Variants in MYOM1 observed in about 807,000 individuals in gnomAD.
MYOM1 encodes myomesin 1.
A neutral mutation model predicts 205.3 loss-of-function variants in MYOM1; 164 were observed. That is an observed-to-expected ratio of 0.80 (90% CI 0.70 to 0.91). MYOM1 has a LOEUF of 0.91. MYOM1 is among the 40% of genes least tolerant of loss of function. The pLI, the probability that MYOM1 is intolerant of heterozygous loss-of-function variation, is 0.00. For synonymous variants in MYOM1, 772 were observed against 789.4 expected (o/e 0.98, Z 0.37); for missense variants, 2,011 against 2,127.3 (o/e 0.95, Z 1.08).
chr18:3,149,139 T>G lies in MYOM1; in HGVS notation c.1900+6A>C. 1 of 1,613,442 alleles carries G rather than the reference T, an allele frequency of 6.2e-7. No homozygotes were observed. The highest frequency in any genetic ancestry group is 8.5e-7 in the Non-Finnish European group (1 of 1,179,708). ...CAATAGTATCTGGGGCAACCAGACT[T>G]CTTACCTGAAGGTTCCTCTTCAGTA... On this transcript the variant is annotated splice_donor_region_variant and intron_variant, in intron 13 of 37. Transcript: ENST00000356443.
Position 3,187,562 on chromosome 18 carries a change from G to C in MYOM1, c.847C>G (p.Pro283Ala). 1.2e-6 allele frequency: 2 copies of C among 1,613,790 alleles called. No individual in the cohort carries two copies. Among genetic ancestry groups the C allele is most frequent in the Middle Eastern group, 3.3e-4 (2 of 6,062 alleles). The part of the protein sequence containing the change: ...LLHAPEFIIK[P>A]RSHTVWEKEN... Reference sequence around the variant, plus strand: ...TTCTCCCAAACCGTGTGGGAGCGAGGTTTAATGATAAACTCAGGAGCATGG... The same window carrying C: ...TTCTCCCAAACCGTGTGGGAGCGAGCTTTAATGATAAACTCAGGAGCATGG... Residue 283 changes from proline (P) to alanine (A), a missense_variant, in exon 5 of 38, where the codon CCT (proline) becomes GCT (alanine). Pro to Ala is a conservative substitution (Grantham distance 27). Coordinates refer to ENST00000356443, the MANE Select transcript of MYOM1 (RefSeq NM_003803.4).
intron 8 of MYOM1, among the ~76,000 whole-genome samples, chr18:3,169,653 G>A (rs144553721): frequency 1.5e-3 from 223 of 152,204 alleles, no homozygotes; most frequent in African/African-American, 4.9e-3. Context: ...AGGCAATAAC[G>A]CTGACAAAGA....
intron 19 of MYOM1, among the ~76,000 whole-genome samples, chr18:3,120,857 A>G (rs2079680008): frequency 6.6e-6 from 1 of 152,260 alleles, no homozygotes; most frequent in Non-Finnish European, 1.5e-5. Context: ...ACATGACAAA[A>G]TAATAAATGT....
At chr18:3,235,518 G>T in the MYOM1 span, among the ~76,000 whole-genome samples, 1 of 152,214 alleles carries the variant, frequency 6.6e-6, no homozygotes, top group African/African-American at 2.4e-5. Context: ...CACAGTCCCT[G>T]CTTCCCTTGT....
chr18:3,077,585 G>A (rs935810120), intron 34 of MYOM1, among the ~76,000 whole-genome samples: 7 of 152,166 alleles, frequency 4.6e-5, no homozygotes, highest in African/African-American at 1.4e-4. Flanking sequence ...AGGTGGGAAT[G>A]GCCGAGCCAA....
At position 3,209,595 on chromosome 18, in the gene MYOM1, T is replaced by TC. The variant is rs2081167387; in HGVS notation, c.290+5338dup. Reference sequence around the variant, plus strand: ...TCTGACATCCTCTCCACCTGCACTATCCATCACTCCCCCATTCCCTTGCAT... The same window carrying TC: ...TCTGACATCCTCTCCACCTGCACTATCCCATCACTCCCCCATTCCCTTGCAT... On this transcript the variant is annotated intron_variant, in intron 2 of 37. Transcript: ENST00000356443. The surrounding 1 kb of genome is among the most constrained non-coding windows in gnomAD (Gnocchi z 4.0). Among the ~76,000 whole-genome samples, 1 of 152,202 alleles carries TC rather than the reference T, an allele frequency of 6.6e-6. No individual in the cohort carries two copies. The highest frequency in any genetic ancestry group is 2.4e-5 in the African/African-American group (1 of 41,454).
At chr18:3,178,362 AG>A (rs1427466405) in intron 5 of MYOM1, among the ~76,000 whole-genome samples, 1 of 152,266 alleles carries the variant, frequency 6.6e-6, no homozygotes, top group African/African-American at 2.4e-5. Flanking sequence ...TCACACAGCC[AG>A]GAACAGCAGA....
At chr18:3,144,183 G>A (rs1482833679) in intron 13 of MYOM1, among the ~76,000 whole-genome samples, 2 of 152,040 alleles carry the variant, frequency 1.3e-5, no homozygotes, top group African/African-American at 4.8e-5. Flanking sequence ...TCCAGACTGG[G>A]CGACAGAGCA....
intron 2 of MYOM1, among the ~76,000 whole-genome samples, chr18:3,203,509 C>T (rs776306203): frequency 6.6e-6 from 1 of 151,498 alleles, no homozygotes. Context: ...TGCCTTTATG[C>T]CAACAAATTA....
intron 9 of MYOM1, among the ~76,000 whole-genome samples, chr18:3,165,803 T>C (rs2080459318): frequency 6.6e-6 from 1 of 152,290 alleles, no homozygotes; most frequent in South Asian, 2.1e-4. Flanking sequence ...TTCTCTCCTC[T>C]GCAGCCATGG....
At chr18:3,190,843 C>A (rs2080893856) in intron 3 of MYOM1, among the ~76,000 whole-genome samples, 1 of 152,078 alleles carries the variant, frequency 6.6e-6, no homozygotes, top group African/African-American at 2.4e-5. Context: ...TAGTCTTGCC[C>A]CAGGCTCCAA....
chr18:3,241,638 C>T, the MYOM1 span, among the ~76,000 whole-genome samples: 1 of 152,234 alleles, frequency 6.6e-6, no homozygotes, highest in Non-Finnish European at 1.5e-5. Flanking sequence ...CACAGACTCC[C>T]TACTGGGGCC....
At chr18:3,171,012 A>G (rs906974419) in intron 8 of MYOM1, among the ~76,000 whole-genome samples, 1 of 152,204 alleles carries the variant, frequency 6.6e-6, no homozygotes, top group Non-Finnish European at 1.5e-5. Context: ...TTAATACCCC[A>G]TATTAACAGA....
rs775208795 is a variant in MYOM1, at chr18:3,086,027, T to A, written c.4251+11A>T. 2.6e-6 allele frequency: 4 copies of A among 1,529,544 alleles called. No homozygotes were observed. The highest frequency in any genetic ancestry group is 1.4e-5 in the African/African-American group (1 of 73,444). 94.7% of individuals were successfully genotyped at this position (1,529,544 alleles called of 1,614,324 possible). A position where few individuals can be genotyped will look rare whatever the true frequency, so the allele number is the denominator to read the frequency against. On this transcript the variant is annotated intron_variant, in intron 30 of 37. Transcript: ENST00000356443. ...GCTAATATATTACATTTTACATTTA[T>A]AATCGCCTACCTCTGTTATAAGCAG...
At chr18:3,098,985 G>A (rs748939984) in intron 25 of MYOM1, among the ~76,000 whole-genome samples, 36 of 152,128 alleles carry the variant, frequency 2.4e-4, no homozygotes, top group Admixed American at 2.0e-4. Context: ...ATACGGACTC[G>A]CTCTGTTGCC....
At position 3,176,001 on chromosome 18, in the gene MYOM1, G is replaced by T; in HGVS notation, c.1022+41C>A. On this transcript the variant is annotated intron_variant, in intron 6 of 37. Coordinates refer to ENST00000356443, the MANE Select transcript of MYOM1 (RefSeq NM_003803.4). ...AACTGCAGGGGTGAGAAGCCTCCCTGAGCAATGGTGAGCAACACATGGACA... is the reference window on the plus strand; with the variant it reads ...AACTGCAGGGGTGAGAAGCCTCCCTTAGCAATGGTGAGCAACACATGGACA... 2.3e-6 allele frequency: 3 copies of T among 1,282,570 alleles called. No homozygotes were observed. In the South Asian group the frequency reaches 3.6e-5, roughly 16 times the overall value. The allele number at this position is 1,282,570 out of a possible 1,614,324, so 79.4% of individuals were successfully genotyped here.
In MYOM1 at chr18:3,126,734, G is replaced by T; in HGVS notation, c.2958C>A (p.Ala986=). The change falls in exon 19 of 38, where the codon GCC becomes GCA. Residue 986 remains alanine, a synonymous_variant. Coordinates refer to ENST00000356443, the MANE Select transcript of MYOM1 (RefSeq NM_003803.4). ...IDGVPGKWRE[A]NVKAVSEEAY... ...CCTCCTCACTGACAGCCTTGACATT[G>T]GCTTCTCTCCATTTTCCTGGTACCC... 6.2e-7 allele frequency: 1 copy of T among 1,613,606 alleles called. No individual in the cohort carries two copies. Among genetic ancestry groups the T allele is most frequent in the Non-Finnish European group, 8.5e-7 (1 of 1,179,712 alleles).
chr18:3,141,891 GAA>G (rs1407028388), intron 14 of MYOM1, 46 bp downstream of exon 14: 1 of 1,608,842 alleles, frequency 6.2e-7, no homozygotes, highest in Non-Finnish European at 8.5e-7. Context: ...CTTTTCTAAA[GAA>G]ATCCTTAGGA....
chr18:3,206,056 A>G (rs2144226186), intron 2 of MYOM1, among the ~76,000 whole-genome samples: 1 of 152,342 alleles, frequency 6.6e-6, no homozygotes, highest in South Asian at 2.1e-4. Context: ...CACAAAGGCC[A>G]GTGCAAACAA....
Sources: gnomAD v4.1 joint callset for allele counts (sites outside exome capture counted in the v4.1 genomes callset) on GRCh38, gnomAD v4.1.1 for gene constraint, Gnocchi (gnomAD v3.1) non-coding constraint, MANE v1.5 for transcripts, NCBI Gene and HGNC (gene_info 2026-07-23, HGNC 2026-07-21) for gene names.